TRHDE: variants seen among roughly 807,000 people sequenced by gnomAD.
The protein encoded by TRHDE is thyrotropin-releasing hormone-degrading ectoenzyme.
A neutral mutation model predicts 125.7 loss-of-function variants in TRHDE; 72 were observed. The observed-to-expected ratio is 0.57, with a 90% CI of 0.47 to 0.70. TRHDE has a LOEUF of 0.70. Among genes scored for constraint, TRHDE ranks in the 30% least tolerant of loss-of-function variants. The pLI, the probability that TRHDE is intolerant of heterozygous loss-of-function variation, is 0.00. For synonymous variants in TRHDE, 509 were observed against 509.1 expected, an observed-to-expected ratio of 1.00 and a Z score of 0.00; for missense variants, 1,110 against 1,327.1, an observed-to-expected ratio of 0.84 and a Z score of 2.54.
intron 2 of TRHDE, among the ~76,000 whole-genome samples, chr12:72,235,957 T>C (rs1298742464): frequency 2.0e-5 from 3 of 152,226 alleles, no homozygotes; most frequent in Admixed American, 1.3e-4. Flanking sequence ...ATGAGTCTTT[T>C]GAGAAAAATA....
At chr12:72,285,386 A>G (rs537235561) in intron 1 of TRHDE, among the ~76,000 whole-genome samples, 2 of 152,300 alleles carry the variant, frequency 1.3e-5, no homozygotes, top group East Asian at 1.9e-4. Context: ...TTCAGAACTC[A>G]ATAGTATTCT....
intron 2 of TRHDE, among the ~76,000 whole-genome samples, chr12:72,172,669 G>C (rs1876898729): frequency 6.6e-6 from 1 of 152,104 alleles, no homozygotes; most frequent in Non-Finnish European, 1.5e-5. Context: ...ACATGGAGTA[G>C]AACCAAACCT....
At chr12:72,117,981 T>A (rs1462550815) in intron 2 of TRHDE, among the ~76,000 whole-genome samples, 1 of 152,088 alleles carries the variant, frequency 6.6e-6, no homozygotes, top group African/African-American at 2.4e-5. Context: ...GTGGAGTTTT[T>A]AAGTTTTTCC....
intron 15 of TRHDE, among the ~76,000 whole-genome samples, chr12:72,622,081 G>T (rs1188525081): frequency 6.6e-6 from 1 of 151,820 alleles, no homozygotes; most frequent in African/African-American, 2.4e-5. Flanking sequence ...ACTCTTTCAG[G>T]TTCTTTATAA....
intron 18 of TRHDE, among the ~76,000 whole-genome samples, chr12:72,659,582 TA>T (rs1450888576): frequency 6.6e-6 from 1 of 152,230 alleles, no homozygotes; most frequent in African/African-American, 2.4e-5. Context: ...CAATCTACTC[TA>T]AAAATAATTT....
chr12:72,129,183 G>A (rs1383760832), intron 2 of TRHDE, among the ~76,000 whole-genome samples: 4 of 151,942 alleles, frequency 2.6e-5, no homozygotes, highest in Non-Finnish European at 5.9e-5. Context: ...CAAAATCAAA[G>A]AAAAATTAAA....
At chr12:72,438,052 A>G (rs1387255867) in intron 3 of TRHDE, among the ~76,000 whole-genome samples, 1 of 151,828 alleles carries the variant, frequency 6.6e-6, no homozygotes, top group South Asian at 2.1e-4. Context: ...TGACTGGGTT[A>G]TTTCACTTAA....
intron 2 of TRHDE, among the ~76,000 whole-genome samples, chr12:72,325,269 C>A (rs1869287658): frequency 6.6e-6 from 1 of 151,766 alleles, no homozygotes; most frequent in Non-Finnish European, 1.5e-5. Flanking sequence ...TAAATCTGTA[C>A]CCCCCAGTTT....
chr12:72,534,612 C>T (rs1036027296), intron 6 of TRHDE, among the ~76,000 whole-genome samples: 2 of 151,720 alleles, frequency 1.3e-5, no homozygotes, highest in Non-Finnish European at 2.9e-5. Flanking sequence ...GATAACAATA[C>T]CTACATACAT....
intron 15 of TRHDE, among the ~76,000 whole-genome samples, chr12:72,633,092 A>G (rs144513454): frequency 2.3e-3 from 355 of 152,148 alleles, no homozygotes; most frequent in Non-Finnish European, 4.4e-3. Context: ...TAAACCTTTA[A>G]AAAGTAATTT....
chr12:72,307,142 G>C (rs1485598353), intron 2 of TRHDE, among the ~76,000 whole-genome samples: 1 of 151,984 alleles, frequency 6.6e-6, no homozygotes, highest in African/African-American at 2.4e-5. Flanking sequence ...TCAAGCAGAG[G>C]AGTGATCTGT....
chr12:72,171,207 TAGGGAAGGAA>T (rs1372655147), intron 2 of TRHDE, among the ~76,000 whole-genome samples: 4 of 152,030 alleles, frequency 2.6e-5, no homozygotes, highest in African/African-American at 4.8e-5. Flanking sequence ...ATTAGGGATT[TAGGGAAGGAA>T]TCTTTAGAAA....
chr12:72,341,370 G>C (rs1268850081), intron 2 of TRHDE, among the ~76,000 whole-genome samples: 1 of 151,360 alleles, frequency 6.6e-6, no homozygotes, highest in Non-Finnish European at 1.5e-5. Context: ...TGTGGTGGTT[G>C]GTTTTCTGTC....
chr12:72,100,116 C>T (rs1420174001), intron 1 of TRHDE, among the ~76,000 whole-genome samples: 2 of 152,044 alleles, frequency 1.3e-5, no homozygotes, highest in Admixed American at 6.5e-5. Flanking sequence ...GTTAGATTCT[C>T]AGGGTAAAAA....
At chr12:72,334,156 G>C (rs754520090) in intron 2 of TRHDE, among the ~76,000 whole-genome samples, 16 of 152,138 alleles carry the variant, frequency 1.1e-4, no homozygotes, top group Non-Finnish European at 1.6e-4. Context: ...CTCATGGAGA[G>C]TAAAAATTTC....
chr12:72,198,433 T>A (rs1031109688), intron 2 of TRHDE, among the ~76,000 whole-genome samples: 4 of 152,184 alleles, frequency 2.6e-5, no homozygotes, highest in Non-Finnish European at 5.9e-5. Flanking sequence ...TCTGTAATAA[T>A]TCCTCAGTAT....
At chr12:72,171,684 G>GGCC (rs1876877968) in intron 2 of TRHDE, among the ~76,000 whole-genome samples, 1 of 152,212 alleles carries the variant, frequency 6.6e-6, no homozygotes, top group East Asian at 1.9e-4. Context: ...CTGCAGAACT[G>GGCC]AGTGGGACCA....
At chr12:72,622,681 A>C (rs532859990) in intron 15 of TRHDE, among the ~76,000 whole-genome samples, 1 of 152,218 alleles carries the variant, frequency 6.6e-6, no homozygotes, top group South Asian at 2.1e-4. Context: ...AACCGCAGTC[A>C]GTATAACCTA....
intron 15 of TRHDE, among the ~76,000 whole-genome samples, chr12:72,645,753 C>G (rs1874255100): frequency 6.6e-6 from 1 of 152,080 alleles, no homozygotes; most frequent in East Asian, 1.9e-4. Context: ...GGAACACTTA[C>G]AGAAATATCA....
Sources: allele counts gnomAD v4.1 joint callset (sites outside exome capture counted in the v4.1 genomes callset), GRCh38; gene constraint gnomAD v4.1.1; transcripts MANE v1.5; gene names NCBI Gene and HGNC (gene_info 2026-07-23, HGNC 2026-07-21).